The following ASCC1 variants were observed in gnomAD, a reference collection of about 807,000 sequenced individuals.
ASCC1 encodes activating signal cointegrator 1 complex subunit 1.
In ASCC1, 35 loss-of-function variants were observed where a neutral mutation model predicts 46.6. The observed-to-expected ratio is 0.75, with a 90% CI of 0.57 to 0.99. The LOEUF is 0.99. ASCC1 is among the 50% of genes least tolerant of loss of function. The pLI, the probability that ASCC1 is intolerant of heterozygous loss-of-function variation, is 0.00. For missense variants in ASCC1, 376 were observed against 428.7 expected (o/e 0.88, Z 1.09); for synonymous variants, 143 against 146.6 (o/e 0.98, Z 0.18).
chr10:72,217,072 C>T (rs1211798508), upstream of ASCC1: 1 of 454,058 alleles, frequency 2.2e-6, no homozygotes, highest in South Asian at 1.6e-5. Flanking sequence ...CCGAAATGCT[C>T]GGGACTGGAA....
chr10:72,107,568 C>T (rs1344828778), intron 9 of ASCC1, among the ~76,000 whole-genome samples: 1 of 152,320 alleles, frequency 6.6e-6, no homozygotes, highest in East Asian at 1.9e-4. Flanking sequence ...TCTTTCTAAA[C>T]ATCATCACAG....
intron 9 of ASCC1, among the ~76,000 whole-genome samples, chr10:72,098,380 A>G (rs1344555621): frequency 1.3e-5 from 2 of 152,194 alleles, no homozygotes; most frequent in African/African-American, 4.8e-5. Context: ...TTTTTTAGAG[A>G]TAGGGTCTCT....
intron 5 of ASCC1, among the ~76,000 whole-genome samples, chr10:72,171,097 T>C (rs919958266): frequency 1.3e-5 from 2 of 152,210 alleles, no homozygotes; most frequent in Admixed American, 6.5e-5. Context: ...ATATTAACAA[T>C]AGGTGAATCT....
chr10:72,131,345 G>T (rs1845561887), intron 8 of ASCC1, among the ~76,000 whole-genome samples: 1 of 151,970 alleles, frequency 6.6e-6, no homozygotes. Context: ...CTTCAACCTG[G>T]GGGGCGGAGG....
intron 9 of ASCC1, among the ~76,000 whole-genome samples, chr10:72,114,346 C>G (rs1424140406): frequency 2.6e-5 from 4 of 152,186 alleles, no homozygotes; most frequent in African/African-American, 7.2e-5. Context: ...AAATAAATGG[C>G]TGGGCGTGGT....
intron 5 of ASCC1, among the ~76,000 whole-genome samples, chr10:72,187,590 A>G (rs113584897): frequency 0.14 from 21,699 of 151,854 alleles, 4,433 homozygotes; most frequent in African/African-American, 0.45. Context: ...CACAGTGGCG[A>G]GCGCCTGTAG....
intron 5 of ASCC1, among the ~76,000 whole-genome samples, chr10:72,192,788 C>T (rs1444645333): frequency 6.6e-6 from 1 of 152,140 alleles, no homozygotes; most frequent in Non-Finnish European, 1.5e-5. Context: ...GGCACTGCCC[C>T]CCGCCAAACA....
At chr10:72,175,391 A>G (rs929598878) in intron 5 of ASCC1, among the ~76,000 whole-genome samples, 1 of 152,354 alleles carries the variant, frequency 6.6e-6, no homozygotes, top group East Asian at 1.9e-4. Flanking sequence ...CTTTTAAAGC[A>G]GCACTGGAAG....
Position 72,117,627 on chromosome 10 carries a change from AT to A in ASCC1, c.957+10454del, listed in dbSNP as rs1439819335. On this transcript the variant is annotated intron_variant, in intron 9 of 9. Transcript: ENST00000672957. ...CAAGGACCCTCTCATTCTCTAATTG[AT>A]CCTTTTAAATAACATTTTTACTTTC... is the stretch of plus-strand genomic sequence containing the variant. Among the ~76,000 whole-genome samples the A allele has an allele frequency of 5.9e-5, 9 of 152,248 alleles. No homozygotes were observed. The East Asian group carries it at 1.7e-3, about 29-fold the overall frequency.
chr10:72,141,088 T>G (rs532053841), intron 7 of ASCC1, among the ~76,000 whole-genome samples: 2 of 146,428 alleles, frequency 1.4e-5, no homozygotes, highest in East Asian at 2.0e-4. Flanking sequence ...TAGATAGATA[T>G]AGATATAGAC....
chr10:72,151,992 ATT>A (rs35458668), intron 7 of ASCC1, among the ~76,000 whole-genome samples: 587 of 118,160 alleles, frequency 5.0e-3, no homozygotes, highest in South Asian at 8.7e-3. Context: ...ACCGGCCAAT[ATT>A]TTTTTTTTTT....
At chr10:72,106,490 C>T (rs1040426461) in intron 9 of ASCC1, among the ~76,000 whole-genome samples, 2 of 151,892 alleles carry the variant, frequency 1.3e-5, no homozygotes, top group Admixed American at 1.3e-4. Flanking sequence ...TCTTCCACAG[C>T]CTGTTTACCA....
intron 5 of ASCC1, chr10:72,190,326 G>T (rs1374356389): frequency 1.8e-5 from 17 of 962,224 alleles, no homozygotes; most frequent in Non-Finnish European, 2.8e-5. Context: ...TATTGGATTG[G>T]TGAAGATTCC....
At chr10:72,109,811 G>A (rs991824432) in intron 9 of ASCC1, among the ~76,000 whole-genome samples, 1 of 152,190 alleles carries the variant, frequency 6.6e-6, no homozygotes, top group East Asian at 1.9e-4. Context: ...AGTAGGGGTA[G>A]GAGGTAGAGG....
chr10:72,193,506 TGAA>T (rs1210863048), intron 5 of ASCC1, among the ~76,000 whole-genome samples: 1 of 148,506 alleles, frequency 6.7e-6, no homozygotes, highest in Non-Finnish European at 1.5e-5. Context: ...AAAACTACGG[TGAA>T]GAAGAGCTCA....
intron 5 of ASCC1, among the ~76,000 whole-genome samples, chr10:72,164,148 A>T (rs12245867): frequency 0.028 from 4,310 of 151,956 alleles, 237 homozygotes; most frequent in African/African-American, 0.098. Context: ...TTTTTTGTAG[A>T]CAGGGTTTTT....
At chr10:72,184,229 A>C (rs974175609) in intron 5 of ASCC1, among the ~76,000 whole-genome samples, 1 of 151,774 alleles carries the variant, frequency 6.6e-6, no homozygotes, top group African/African-American at 2.4e-5. Context: ...AAAAAAGAAC[A>C]AAGAAGACCA....
At chr10:72,190,285 C>A in intron 5 of ASCC1, 1 of 810,712 alleles carries the variant, frequency 1.2e-6, no homozygotes, top group South Asian at 1.3e-5. Flanking sequence ...TTCTGAGAGT[C>A]CTGAATTTAT....
intron 8 of ASCC1, among the ~76,000 whole-genome samples, chr10:72,129,976 CAAAAAAAAAAA>C (rs34426096): frequency 9.3e-5 from 6 of 64,326 alleles, no homozygotes; most frequent in African/African-American, 1.9e-4. Context: ...GACCTTGTCT[CAAAAAAAAAAA>C]AAAAAAAAAA....
Sources: gnomAD v4.1 joint callset for allele counts (sites outside exome capture counted in the v4.1 genomes callset) on GRCh38, gnomAD v4.1.1 for gene constraint, MANE v1.5 for transcripts, NCBI Gene and HGNC (gene_info 2026-07-23, HGNC 2026-07-21) for gene names.